The following FNDC7 variants were observed in gnomAD, a reference collection of about 807,000 sequenced individuals.
FNDC7 encodes the protein fibronectin type III domain containing 7, also known as fibronectin type III domain-containing protein 7.
A neutral mutation model predicts 74.2 loss-of-function variants in FNDC7; 66 were observed. The ratio of observed to expected loss-of-function variants is 0.89; its 90% CI spans 0.73 to 1.09. FNDC7 has a LOEUF of 1.09. FNDC7 is among the 50% of genes least tolerant of loss of function. FNDC7 has a pLI of 0.00. For missense variants in FNDC7, 829 were observed against 893.4 expected (o/e 0.93, Z 0.92); for synonymous variants, 307 against 330.2 (o/e 0.93, Z 0.76).
chr1:108,727,742 C>T (rs1661249030), intron 6 of FNDC7, 66 bp from the exon 7 acceptor site: 2 of 1,578,106 alleles, frequency 1.3e-6, no homozygotes, highest in Admixed American at 1.7e-5. Context: ...GAGGTCAGGA[C>T]ACAGTGTACC....
chr1:108,736,243 C>G (rs768509273), intron 10 of FNDC7, among the ~76,000 whole-genome samples: 2 of 152,138 alleles, frequency 1.3e-5, no homozygotes, highest in Non-Finnish European at 2.9e-5. Context: ...TGTTCTGGAG[C>G]TACTGCAGTG....
intron 4 of FNDC7, among the ~76,000 whole-genome samples, chr1:108,721,943 C>T (rs1464641057): frequency 2.6e-5 from 4 of 152,274 alleles, no homozygotes; most frequent in East Asian, 1.9e-4. Context: ...AACGTACCCA[C>T]GTGGCCCTTT....
intron 5 of FNDC7, among the ~76,000 whole-genome samples, chr1:108,722,924 T>C (rs1045141771): frequency 6.6e-6 from 1 of 152,242 alleles, no homozygotes; most frequent in Admixed American, 6.5e-5. Flanking sequence ...TGCATACAGA[T>C]AACTGCGTCT....
chr1:108,718,729 A>C, intron 3 of FNDC7, 60 bp from the exon 4 acceptor site: 1 of 1,515,502 alleles, frequency 6.6e-7, no homozygotes, highest in Non-Finnish European at 8.9e-7. Context: ...TTGCTTCTAA[A>C]TTTGAATTAT....
intron 6 of FNDC7, 85 bp downstream of exon 6, chr1:108,726,089 T>TCCCAGGTGGTAAGTCAA: frequency 6.7e-7 from 1 of 1,486,780 alleles, no homozygotes; most frequent in Non-Finnish European, 9.2e-7. Context: ...ACTTATTGAC[T>TCCCAGGTGGTAAGTCAA]TACCACCTGG....
Position 108,722,497 on chromosome 1 carries a change from C to A in FNDC7, c.761C>A (p.Ser254Tyr), listed in dbSNP as rs762099167. Residue 254 changes from serine to tyrosine, a missense_variant, in exon 5 of 13, where the codon TCT (serine) becomes TAT (tyrosine). Ser to Tyr is a moderately radical substitution (Grantham distance 144). Transcript: ENST00000370017. ...CSTTFSSCTI[S>Y]SLQCGTEYLI... ...ACAACTTTCAGTTCCTGCACCATCT[C>A]TTCCCTCCAGTGTGGAACTGAATAC... 1 of 1,614,248 alleles carries A rather than the reference C, an allele frequency of 6.2e-7. No homozygotes were observed. Among genetic ancestry groups the A allele is most frequent in the Non-Finnish European group, 8.5e-7 (1 of 1,180,048 alleles).
At position 108,733,299 on chromosome 1, in the gene FNDC7, T is replaced by C. The variant is rs1042474841; in HGVS notation, c.1907T>C (p.Leu636Ser). ...GCCTGCTGCCCTTTGGGGGTGAAAT[T>C]ATATAGGCTGGGCCCTAATGGCATC... ...SGACCPLGVK[L>S]YRLGPNGIRI... The change falls in exon 10 of 13, where the codon TTA (leucine) becomes TCA (serine). Residue 636 changes from leucine to serine, a missense_variant. Coordinates refer to ENST00000370017, the MANE Select transcript of FNDC7 (RefSeq NM_001144937.3). 1 of 1,612,514 alleles carries C rather than the reference T, an allele frequency of 6.2e-7. No homozygotes were observed. The highest frequency in any genetic ancestry group is 8.5e-7 in the Non-Finnish European group (1 of 1,178,616).
chr1:108,721,394 C>T (rs976218340), intron 4 of FNDC7, among the ~76,000 whole-genome samples: 2 of 151,968 alleles, frequency 1.3e-5, no homozygotes, highest in Non-Finnish European at 2.9e-5. Flanking sequence ...GCATGAACCC[C>T]GGAGGCGGAG....
chr1:108,737,544 G>T lies in FNDC7; in HGVS notation c.2170+20G>T. ...GAATGGGTAAGTCATTTTTCTCATG[G>T]ATAAAATAGAACAGGATTTTTGTTG... On this transcript the variant is annotated intron_variant, in intron 11 of 12. Transcript: ENST00000370017. 1 of 1,582,750 alleles carries T rather than the reference G, an allele frequency of 6.3e-7. No individual in the cohort carries two copies. Among genetic ancestry groups the T allele is most frequent in the Non-Finnish European group, 8.6e-7 (1 of 1,168,214 alleles).
intron 10 of FNDC7, among the ~76,000 whole-genome samples, chr1:108,736,055 G>A (rs539614720): frequency 5.9e-5 from 9 of 152,168 alleles, no homozygotes; most frequent in African/African-American, 1.9e-4. Flanking sequence ...CAATCCTCTC[G>A]CCGCAGCCTC....
chr1:108,730,060 G>A (rs529709537), intron 8 of FNDC7, among the ~76,000 whole-genome samples: 3 of 152,146 alleles, frequency 2.0e-5, no homozygotes, highest in East Asian at 3.8e-4. Context: ...GAAAGCAACC[G>A]TTACTTTGAA....
chr1:108,740,408 A>C (rs1026758768), intron 11 of FNDC7, among the ~76,000 whole-genome samples: 5 of 138,332 alleles, frequency 3.6e-5, no homozygotes, highest in African/African-American at 1.4e-4. Flanking sequence ...GCTCACTGCA[A>C]CCTCCACCTC....
chr1:108,722,456 A>G lies in FNDC7; in HGVS notation c.720A>G (p.Ser240=), dbSNP rs1661114997. Reference sequence around the variant, plus strand: ...CTGTGATGGCTTTGAGCGACTCTTCAGAGCTGACCTGCAGTACAACTTTCA... The same window carrying G: ...CTGTGATGGCTTTGAGCGACTCTTCGGAGCTGACCTGCAGTACAACTTTCA... ...NYTVMALSDS[S]ELTCSTTFSS... is the part of the protein sequence containing the mutation. The change falls in exon 5 of 13, where the codon TCA becomes TCG. Residue 240 remains serine, a synonymous_variant. Transcript: ENST00000370017. 3 of 1,614,264 alleles carry G rather than the reference A, an allele frequency of 1.9e-6. No individual in the cohort carries two copies. Among genetic ancestry groups the G allele is most frequent in the Non-Finnish European group, 2.5e-6 (3 of 1,180,044 alleles).
chr1:108,728,683 T>A lies in FNDC7; in HGVS notation c.1421T>A (p.Ile474Asn). The change falls in exon 8 of 13, where the codon ATT (isoleucine) becomes AAT (asparagine). Residue 474 changes from isoleucine (I) to asparagine (N), a missense_variant. Ile to Asn is a moderately radical substitution (Grantham distance 149, BLOSUM62 -3). Coordinates refer to ENST00000370017, the MANE Select transcript of FNDC7 (RefSeq NM_001144937.3). ...GTTTCAAGGGATGCATTCTCCATGA[T>A]TAATGTGCACTGGCGATCCACTAAT... ...KNVSRDAFSMINVHWRSTNDD... is the reference protein window; with the variant it reads ...KNVSRDAFSMNNVHWRSTNDD... 6.2e-7 allele frequency: 1 copy of A among 1,614,268 alleles called. No individual in the cohort carries two copies. The highest frequency in any genetic ancestry group is 1.1e-5 in the South Asian group (1 of 91,092).
rs1206753910 is a variant in FNDC7, at chr1:108,718,821, C to G, written c.370C>G (p.Pro124Ala). ...LAAPILEVSS[P>A]SSDSILVQWE... ...TGCACCAATTCTAGAAGTAAGCTCT[C>G]CAAGTTCAGACTCCATTCTTGTGCA... Residue 124 changes from proline (P) to alanine (A), a missense_variant, in exon 4 of 13, where the codon CCA (proline) becomes GCA (alanine). Coordinates refer to ENST00000370017, the MANE Select transcript of FNDC7 (RefSeq NM_001144937.3). 4.5e-6 allele frequency: 7 copies of G among 1,551,760 alleles called. No individual in the cohort carries two copies. Among genetic ancestry groups the G allele is most frequent in the Non-Finnish European group, 6.1e-6 (7 of 1,147,052 alleles).
At chr1:108,719,970 T>C (rs552220800) in intron 4 of FNDC7, among the ~76,000 whole-genome samples, 4 of 152,234 alleles carry the variant, frequency 2.6e-5, no homozygotes, top group South Asian at 2.1e-4. Context: ...GGAAGCCCCA[T>C]AGTGTATGGG....
intron 7 of FNDC7, 44 bp from the exon 8 acceptor site, chr1:108,728,588 T>C: frequency 6.2e-7 from 1 of 1,606,628 alleles, no homozygotes; most frequent in Non-Finnish European, 8.5e-7. Context: ...ACATGTGATA[T>C]TTTTGACTCA....
In FNDC7 at chr1:108,725,813, G is replaced by C. The variant is rs150519989; in HGVS notation, c.920G>C (p.Trp307Ser). The C allele has an allele frequency of 1.1e-5, 18 of 1,614,002 alleles. No homozygotes were observed. Among genetic ancestry groups the C allele is most frequent in the Non-Finnish European group, 1.4e-5 (17 of 1,180,008 alleles). ...CCCCCTGGCCACCTGTCTGTGGCTT[G>C]GTCCAGTGTAGATCTGGGTGACTAC... ...EDPPGHLSVAWSSVDLGDYYV... is the reference protein window; with the variant it reads ...EDPPGHLSVASSSVDLGDYYV... Residue 307 changes from tryptophan (W) to serine (S), a missense_variant, in exon 6 of 13, where the codon TGG becomes TCG. Trp to Ser is a radical substitution (Grantham distance 177). Coordinates refer to ENST00000370017, the MANE Select transcript of FNDC7 (RefSeq NM_001144937.3).
At chr1:108,726,284 T>C (rs1268150750) in intron 6 of FNDC7, among the ~76,000 whole-genome samples, 2 of 152,228 alleles carry the variant, frequency 1.3e-5, no homozygotes, top group African/African-American at 4.8e-5. Context: ...ATGTACTCAG[T>C]GAGTGTTCTA....
Sources: allele counts gnomAD v4.1 joint callset (sites outside exome capture counted in the v4.1 genomes callset), GRCh38; gene constraint gnomAD v4.1.1; transcripts MANE v1.5; gene names NCBI Gene and HGNC (gene_info 2026-07-23, HGNC 2026-07-21).